Variants in CRHR1 observed in about 807,000 individuals in gnomAD.
The protein encoded by CRHR1 is corticotropin-releasing hormone receptor 1.
Under a neutral mutation model 56.0 loss-of-function variants are expected in CRHR1, and 28 were observed. The observed-to-expected ratio is 0.50, with a 90% CI of 0.37 to 0.69. The LOEUF is 0.69. CRHR1 is among the 30% of genes least tolerant of loss of function. CRHR1 has a pLI of 0.00. For synonymous variants in CRHR1, 195 were observed against 216.5 expected (o/e 0.90, Z 0.87); for missense variants, 376 against 548.0 (o/e 0.69, Z 3.13).
chr17:45,785,464 C>G (rs1334208999), intron 1 of CRHR1, among the ~76,000 whole-genome samples: 2 of 152,236 alleles, frequency 1.3e-5, no homozygotes, highest in African/African-American at 2.4e-5. Context: ...CTGCAGCCGG[C>G]CGGAGAGGCG....
chr17:45,797,108 G>C (rs2061531831), intron 1 of CRHR1, among the ~76,000 whole-genome samples: 1 of 152,182 alleles, frequency 6.6e-6, no homozygotes, highest in Non-Finnish European at 1.5e-5. Context: ...CTGGGAAAGA[G>C]TGGAGCTGGA....
chr17:45,821,214 C>T lies in CRHR1; in HGVS notation c.242-141C>T, dbSNP rs145734315. ...TGGGGGTGGTAAGGAAGCCCCTCTC[C>T]CCAGCTTCACTACACAACCCCCAGC... On this transcript the variant is annotated intron_variant, in intron 3 of 12. Coordinates refer to ENST00000314537, the MANE Select transcript of CRHR1 (RefSeq NM_004382.5). The T allele has an allele frequency of 1.3e-4, 97 of 750,734 alleles. No homozygotes were observed. The East Asian group carries it at 2.4e-3, about 19-fold the overall frequency. 46.5% of individuals were successfully genotyped at this position (750,734 alleles called of 1,614,324 possible).
chr17:45,787,850 G>A (rs900586187), intron 1 of CRHR1, among the ~76,000 whole-genome samples: 2 of 152,224 alleles, frequency 1.3e-5, no homozygotes, highest in Non-Finnish European at 2.9e-5. Flanking sequence ...GAAACAGTGA[G>A]CCCAGGGTGG....
chr17:45,784,463 C>T lies in CRHR1; in HGVS notation c.-82C>T. The T allele has an allele frequency of 7.1e-7, 1 of 1,415,928 alleles. No individual in the cohort carries two copies. The allele number at this position is 1,415,928 out of a possible 1,614,324, so 87.7% of individuals were successfully genotyped here. ...AGCCCGGCCGCCCACCCCGTGCCGC[C>T]CGAGCCCGCAGCCGCCCGCCGGTCC... On this transcript the variant is annotated 5_prime_UTR_variant, in exon 1 of 13. Coordinates refer to ENST00000314537, the MANE Select transcript of CRHR1 (RefSeq NM_004382.5). This position sits in a 1 kb window ranked among gnomAD's most constrained non-coding sequence, Gnocchi z 4.2.
chr17:45,816,468 C>T lies in CRHR1; in HGVS notation c.127C>T (p.Gln43Ter). ...CCAGCCGTCTCTGCCCCCAGGACTG[C>T]AGTGCAACGCATCCGTGGACCTCAT... ...LSLASNISGL[Q>*]CNASVDLIGT... The change falls in exon 3 of 13, where the codon CAG becomes TAG. Residue 43 changes from glutamine (Q) to a stop codon, truncating the protein, a stop_gained. Coordinates refer to ENST00000314537, the MANE Select transcript of CRHR1 (RefSeq NM_004382.5). LOFTEE classifies it high-confidence loss of function. 6.2e-7 allele frequency: 1 copy of T among 1,614,064 alleles called. No individual in the cohort carries two copies.
At chr17:45,827,887 C>T (rs2062200307) in intron 4 of CRHR1, 1 of 152,242 alleles carries the variant, frequency 6.6e-6, no homozygotes, top group Non-Finnish European at 1.5e-5. Flanking sequence ...GGAGTAGCTC[C>T]TTGGTGGCCA....
chr17:45,786,793 A>C (rs1431608271), intron 1 of CRHR1, among the ~76,000 whole-genome samples: 1 of 152,042 alleles, frequency 6.6e-6, no homozygotes. Flanking sequence ...GGCATGCACC[A>C]CCACACCCAG....
At position 45,816,568 on chromosome 17, in the gene CRHR1, G is replaced by C. The variant is rs760589181; in HGVS notation, c.227G>C (p.Arg76Pro). The change falls in exon 3 of 13, where the codon CGC (arginine) becomes CCC (proline). Residue 76 changes from arginine to proline, a missense_variant. Transcript: ENST00000314537. ...TGCCCTGCCTTTTTCTATGGTGTCC[G>C]CTACAATACCACAAGTAAGGAAGAA... ...RPCPAFFYGV[R>P]YNTTNNGYRE... is the part of the protein sequence containing the mutation. 4 of 1,614,158 alleles carry C rather than the reference G, an allele frequency of 2.5e-6. No individual in the cohort carries two copies. Among genetic ancestry groups the C allele is most frequent in the Non-Finnish European group, 3.4e-6 (4 of 1,180,018 alleles).
intron 2 of CRHR1, among the ~76,000 whole-genome samples, chr17:45,814,078 GC>G (rs1436198450): frequency 2.0e-5 from 3 of 152,258 alleles, no homozygotes; most frequent in African/African-American, 7.2e-5. Flanking sequence ...AAAGCAAGGC[GC>G]AAGAAGACTG....
At position 45,807,935 on chromosome 17, in the gene CRHR1, T is replaced by A. The variant is rs114249610; in HGVS notation, c.121+838T>A. Among the ~76,000 whole-genome samples, 763 of 152,340 alleles carry A rather than the reference T, an allele frequency of 5.0e-3. 7 individuals carry two copies. Among genetic ancestry groups the A allele is most frequent in the African/African-American group, 0.017 (702 of 41,576 alleles). On this transcript the variant is annotated intron_variant, in intron 2 of 12. Coordinates refer to ENST00000314537, the MANE Select transcript of CRHR1 (RefSeq NM_004382.5). ...GGGACCCAAATCTAGGTGTTTGGGC[T>A]GCCTAGGGCATGTCTTTTAAAACTT...
chr17:45,804,815 A>C (rs531082842), intron 1 of CRHR1, among the ~76,000 whole-genome samples: 165 of 49,116 alleles, frequency 3.4e-3, no homozygotes, highest in African/African-American at 0.011. Context: ...ATCGCAATAG[A>C]TAATTTTTTT....
intron 1 of CRHR1, among the ~76,000 whole-genome samples, chr17:45,794,237 T>C (rs529448689): frequency 1.3e-5 from 2 of 152,376 alleles, no homozygotes; most frequent in Non-Finnish European, 2.9e-5. Context: ...AGATGAGTCT[T>C]GACTGCATGC....
At chr17:45,806,886 T>C (rs552673829) in intron 1 of CRHR1, 124 bp from the exon 2 acceptor site, 2 of 735,096 alleles carry the variant, frequency 2.7e-6, no homozygotes, top group South Asian at 1.7e-5. Context: ...ACTGGATGTG[T>C]GACAGGGTGG....
intron 1 of CRHR1, among the ~76,000 whole-genome samples, chr17:45,790,392 C>A (rs1164656560): frequency 6.6e-6 from 1 of 152,270 alleles, no homozygotes; most frequent in East Asian, 1.9e-4. Context: ...CTTCATGAAA[C>A]AGGCATGTCA....
intron 3 of CRHR1, among the ~76,000 whole-genome samples, chr17:45,817,035 C>T (rs557024972): frequency 6.6e-6 from 1 of 152,338 alleles, no homozygotes; most frequent in Admixed American, 6.5e-5. Context: ...ACCCCGGGCC[C>T]TCCAGCCAGG....
At chr17:45,823,706 G>A (rs1352153212) in intron 4 of CRHR1, among the ~76,000 whole-genome samples, 2 of 152,174 alleles carry the variant, frequency 1.3e-5, no homozygotes, top group Admixed American at 6.5e-5. Flanking sequence ...CAAAGTTAAC[G>A]GAGAAAGAAT....
At chr17:45,793,178 G>A (rs904906659) in intron 1 of CRHR1, among the ~76,000 whole-genome samples, 10 of 152,366 alleles carry the variant, frequency 6.6e-5, no homozygotes, top group Non-Finnish European at 1.3e-4. Flanking sequence ...ACGCGGCAGC[G>A]CGGCTTAGTA....
intron 10 of CRHR1, 21 bp from the exon 11 acceptor site, chr17:45,833,693 T>TGGGGGGCCCCC: frequency 1.8e-5 from 28 of 1,571,468 alleles, no homozygotes; most frequent in Non-Finnish European, 2.3e-5. Flanking sequence ...ACTCCGAGCC[T>TGGGGGGCCCCC]CCCCACCCGC....
At chr17:45,813,383 C>T (rs2061862935) in intron 2 of CRHR1, among the ~76,000 whole-genome samples, 2 of 151,790 alleles carry the variant, frequency 1.3e-5, no homozygotes, top group African/African-American at 2.4e-5. Context: ...TTTGTCTCCT[C>T]GCCCCTTTTC....
Sources: gnomAD v4.1 joint callset for allele counts (sites outside exome capture counted in the v4.1 genomes callset) on GRCh38, gnomAD v4.1.1 for gene constraint, Gnocchi (gnomAD v3.1) non-coding constraint, MANE v1.5 for transcripts, NCBI Gene and HGNC (gene_info 2026-07-23, HGNC 2026-07-21) for gene names.